PTCH1: variants seen among roughly 807,000 people sequenced by gnomAD.
PTCH1 encodes protein patched homolog 1.
In PTCH1, 14 loss-of-function variants were observed where a neutral mutation model predicts 144.6. The observed-to-expected ratio is 0.10, with a 90% CI of 0.06 to 0.15. The LOEUF is 0.15. Ranked by LOEUF, PTCH1 falls within the 10% of genes least tolerant of loss-of-function variation. PTCH1 has a pLI of 1.00. For missense variants in PTCH1, 1,623 were observed against 1,948.3 expected (o/e 0.83, Z 3.14); for synonymous variants, 833 against 793.6 (o/e 1.05, Z -0.83).
chr9:95,516,243 T>C (rs1322719943), intron 1 of PTCH1, among the ~76,000 whole-genome samples: 1 of 147,986 alleles, frequency 6.8e-6, no homozygotes, highest in Non-Finnish European at 1.5e-5. Context: ...GGCCCGGGCG[T>C]GCGAGCGAGC....
At chr9:95,460,906 T>A (rs1242850689) in intron 16 of PTCH1, among the ~76,000 whole-genome samples, 1 of 152,198 alleles carries the variant, frequency 6.6e-6, no homozygotes, top group African/African-American at 2.4e-5. Flanking sequence ...GTCTGCTGCC[T>A]GCTGCTGTGA....
chr9:95,453,429 C>A, intron 20 of PTCH1, 49 bp downstream of exon 20: 1 of 1,611,602 alleles, frequency 6.2e-7, no homozygotes, highest in South Asian at 1.1e-5. Flanking sequence ...TGCACCCGGC[C>A]CAATCACAAT....
At chr9:95,446,482 G>C in intron 23 of PTCH1, 91 bp from the exon 24 acceptor site, 2 of 493,808 alleles carry the variant, frequency 4.1e-6, no homozygotes, top group Non-Finnish European at 8.1e-6. Context: ...CAGTAACCTT[G>C]GTATTAGAAA....
intron 19 of PTCH1, among the ~76,000 whole-genome samples, chr9:95,455,066 A>G (rs28457693): frequency 0.2 from 30,480 of 152,136 alleles, 4,632 homozygotes; most frequent in African/African-American, 0.43. Context: ...CTAGGCTGGC[A>G]CTCTTCTTTT....
At chr9:95,502,869 G>A (rs148786069) in intron 2 of PTCH1, among the ~76,000 whole-genome samples, 1,765 of 152,282 alleles carry the variant, frequency 0.012, 24 homozygotes, top group Middle Eastern at 0.017. Flanking sequence ...AAGTCAATTT[G>A]AAGACACAGC....
chr9:95,503,008 G>A (rs893228954), intron 2 of PTCH1, among the ~76,000 whole-genome samples: 2 of 152,140 alleles, frequency 1.3e-5, no homozygotes, highest in South Asian at 2.1e-4. Flanking sequence ...ATTTTAAACC[G>A]CAGGAGAAGG....
At position 95,449,545 on chromosome 9, in the gene PTCH1, T is replaced by C; in HGVS notation, c.3550-222A>G. 1.5e-6 allele frequency: 1 copy of C among 668,576 alleles called. No individual in the cohort carries two copies. The highest frequency in any genetic ancestry group is 2.7e-5 in the East Asian group (1 of 36,864). 41.4% of individuals were successfully genotyped at this position (668,576 alleles called of 1,614,324 possible). A position where few individuals can be genotyped will look rare whatever the true frequency, so the allele number is the denominator to read the frequency against. ...TGCTCCACACTGGAAAGGCAGGATGTGTACTTTTTACTCTTGTGAAGTCCA... is the reference window on the plus strand; with the variant it reads ...TGCTCCACACTGGAAAGGCAGGATGCGTACTTTTTACTCTTGTGAAGTCCA... On this transcript the variant is annotated intron_variant, in intron 21 of 23. Transcript: ENST00000331920. This position sits in a 1 kb window ranked among gnomAD's most constrained non-coding sequence, Gnocchi z 5.3.
At chr9:95,516,056 C>T (rs1844348933) in intron 1 of PTCH1, among the ~76,000 whole-genome samples, 1 of 151,998 alleles carries the variant, frequency 6.6e-6, no homozygotes, top group Non-Finnish European at 1.5e-5. Flanking sequence ...CCTCCGCTGG[C>T]GAGTCAGTAG....
chr9:95,494,873 C>T (rs1842687572), intron 2 of PTCH1: 1 of 152,460 alleles, frequency 6.6e-6, no homozygotes, highest in Non-Finnish European at 1.5e-5. Context: ...TAACATTAAC[C>T]CCAGTTTCCT....
chr9:95,506,084 G>C (rs1468321964), intron 2 of PTCH1, among the ~76,000 whole-genome samples: 1 of 147,750 alleles, frequency 6.8e-6, no homozygotes, highest in Non-Finnish European at 1.5e-5. Flanking sequence ...CGCGGCCCAG[G>C]CGGACAGCGG....
chr9:95,447,541 A>G (rs1838071586), intron 22 of PTCH1, 90 bp from the exon 23 acceptor site: 1 of 1,386,058 alleles, frequency 7.2e-7, no homozygotes, highest in Non-Finnish European at 9.7e-7. Flanking sequence ...GGGTTTCACC[A>G]AAGACTCAGT....
chr9:95,464,364 T>C (rs1319269318), intron 15 of PTCH1, among the ~76,000 whole-genome samples: 1 of 152,130 alleles, frequency 6.6e-6, no homozygotes, highest in Non-Finnish European at 1.5e-5. Flanking sequence ...CTCTAGAAAA[T>C]TGTGACTTTT....
intron 12 of PTCH1, 28 bp from the exon 13 acceptor site, chr9:95,469,959 C>A: frequency 6.6e-7 from 1 of 1,506,346 alleles, no homozygotes; most frequent in South Asian, 1.1e-5. Context: ...ATTCAGAGGT[C>A]ACCAACATGC....
At chr9:95,486,397 G>A (rs1172797244) in intron 2 of PTCH1, among the ~76,000 whole-genome samples, 1 of 152,258 alleles carries the variant, frequency 6.6e-6, no homozygotes, top group Non-Finnish European at 1.5e-5. Flanking sequence ...GATAAATAAA[G>A]TGATTCAAGT....
chr9:95,461,120 G>A (rs556214093), intron 16 of PTCH1, among the ~76,000 whole-genome samples: 22 of 152,220 alleles, frequency 1.4e-4, no homozygotes, highest in Non-Finnish European at 2.4e-4. Context: ...CCCGGGCCCC[G>A]TGCAATTGGA....
Position 95,477,643 on chromosome 9 carries a change from C to T in PTCH1, c.1407G>A (p.Val469=), listed in dbSNP as rs1378167817. ...CAACCAGCAGGACGCCAGCCAGCCC[C>T]ACGGCACCCTGGGACTTGGAGCAGT... ...RWDCSKSQGA[V]GLAGVLLVAL... Residue 469 remains valine (V), a synonymous_variant, in exon 10 of 24, where the codon GTG becomes GTA. Coordinates refer to ENST00000331920, the MANE Select transcript of PTCH1 (RefSeq NM_000264.5). 1.9e-6 allele frequency: 3 copies of T among 1,614,222 alleles called. No individual in the cohort carries two copies. The Admixed American group carries it at 5.0e-5, about 27-fold the overall frequency.
intron 1 of PTCH1, among the ~76,000 whole-genome samples, chr9:95,515,233 A>AC (rs1844312066): frequency 6.6e-6 from 1 of 152,130 alleles, no homozygotes; most frequent in Admixed American, 6.5e-5. Context: ...GCACACACAC[A>AC]GAATGCTGAA....
At chr9:95,494,866 C>T (rs934342080) in intron 2 of PTCH1, 1 of 152,480 alleles carries the variant, frequency 6.6e-6, no homozygotes, top group African/African-American at 2.4e-5. Context: ...CATTGCATAA[C>T]ATTAACCCCA....
At chr9:95,491,518 T>C (rs1188781245) in intron 2 of PTCH1, among the ~76,000 whole-genome samples, 2 of 152,196 alleles carry the variant, frequency 1.3e-5, no homozygotes, top group Admixed American at 6.5e-5. Context: ...TCACAGAGCA[T>C]TGTTTCACTG....
Sources: gnomAD v4.1 joint callset for allele counts (sites outside exome capture counted in the v4.1 genomes callset) on GRCh38, gnomAD v4.1.1 for gene constraint, Gnocchi (gnomAD v3.1) non-coding constraint, MANE v1.5 for transcripts, NCBI Gene and HGNC (gene_info 2026-07-23, HGNC 2026-07-21) for gene names.